TUBGCP5: variants seen among roughly 807,000 people sequenced by gnomAD.
The protein encoded by TUBGCP5 is gamma-tubulin complex component 5.
A neutral mutation model predicts 134.7 loss-of-function variants in TUBGCP5; 98 were observed. The ratio of observed to expected loss-of-function variants is 0.73; its 90% CI spans 0.62 to 0.86. The LOEUF (loss-of-function observed/expected upper bound fraction) is 0.86, where lower values mean the gene tolerates loss of function less well. TUBGCP5 is among the 40% of genes least tolerant of loss of function. The pLI is 0.00. For missense variants in TUBGCP5, 1,150 were observed against 1,244.8 expected, an observed-to-expected ratio of 0.92 and a Z score of 1.15; for synonymous variants, 456 against 431.4, an observed-to-expected ratio of 1.06 and a Z score of -0.71.
At position 23,017,849 on chromosome 15, in the gene TUBGCP5, T is replaced by G; in HGVS notation, c.1680A>C (p.Ile560=). 1 of 1,614,112 alleles carries G rather than the reference T, an allele frequency of 6.2e-7. No homozygotes were observed. Among genetic ancestry groups the G allele is most frequent in the Non-Finnish European group, 8.5e-7 (1 of 1,179,968 alleles). ...SFLKPVLKQI[I]MAGKSMQLLK... is the part of the protein sequence containing the mutation. ...GCAGCTGCATCGACTTGCCAGCCAT[T>G]ATGATCTGCTTCAGGACAGGTTTGA... Residue 560 remains isoleucine (I), a synonymous_variant, in exon 13 of 23, where the codon ATA becomes ATC. Transcript: ENST00000615383.
chr15:23,039,568 C>T lies in TUBGCP5; in HGVS notation c.-25G>A, dbSNP rs1448448425. On this transcript the variant is annotated 5_prime_UTR_variant, in exon 1 of 23. Transcript: ENST00000615383. ...TGTTCCGCGCTCCTGCAGCGCGCGT[C>T]TAACGAATTGGTGCCTGTCGCGCGA... is the stretch of plus-strand genomic sequence containing the variant. The T allele has an allele frequency of 2.2e-6, 3 of 1,373,808 alleles. No homozygotes were observed. The highest frequency in any genetic ancestry group is 2.9e-6 in the Non-Finnish European group (3 of 1,048,632). 85.1% of individuals were successfully genotyped at this position (1,373,808 alleles called of 1,614,324 possible).
In TUBGCP5 at chr15:22,987,502, C is replaced by T. The variant is rs2063714774; in HGVS notation, c.*62-3891G>A. On this transcript the variant is annotated intron_variant and NMD_transcript_variant, in intron 23 of 23. Coordinates refer to the TUBGCP5 transcript ENST00000614508. ...TGTGGCTGTTACTACTATGTTGAAA[C>T]CCCATCACCAAGATGATGGCATTAG... 1.3e-5 allele frequency among the ~76,000 whole-genome samples: 2 copies of T among 152,164 alleles called. 1 individual carries two copies. The highest frequency in any genetic ancestry group is 1.3e-4 in the Admixed American group (2 of 15,280).
intron 3 of TUBGCP5, among the ~76,000 whole-genome samples, chr15:23,035,528 T>C (rs1168956005): frequency 6.6e-6 from 1 of 151,950 alleles, no homozygotes; most frequent in Non-Finnish European, 1.5e-5. Flanking sequence ...CCTAGATCCC[T>C]CAAATGTGCA....
chr15:23,005,904 G>T, intron 18 of TUBGCP5, 148 bp downstream of exon 18: 1 of 834,618 alleles, frequency 1.2e-6, no homozygotes, highest in Non-Finnish European at 1.8e-6. Flanking sequence ...CACCATTTTG[G>T]CATTTGTGTA....
In TUBGCP5 at chr15:23,037,138, A is replaced by C; in HGVS notation, c.161T>G (p.Leu54Trp). Reference protein sequence around the residue: ...AWSNFRFHRFLDVNSHKIEKT... With the variant: ...AWSNFRFHRFWDVNSHKIEKT... ...TTCTATTTTGTGGCTGTTGACATCC[A>C]AGAAACGATGAAATCTATTAAAGAC... is the stretch of plus-strand genomic sequence containing the variant. Residue 54 changes from leucine (L) to tryptophan (W), a missense_variant, in exon 2 of 23, where the codon TTG (leucine) becomes TGG (tryptophan). Around this residue, in one of 2 missense-constraint regions of TUBGCP5, gnomAD observed 453 missense variants for 394.7 expected, o/e 1.15. Transcript: ENST00000615383. 1 of 1,613,586 alleles carries C rather than the reference A, an allele frequency of 6.2e-7. No individual in the cohort carries two copies.
At chr15:23,017,703 C>A (rs2065418582) in intron 13 of TUBGCP5, 70 bp downstream of exon 13, 1 of 1,447,628 alleles carries the variant, frequency 6.9e-7, no homozygotes, top group Middle Eastern at 1.8e-4. Context: ...AATTAGGTAT[C>A]AGGATGACAA....
At chr15:22,988,569 T>C (rs2063752332) in intron 23 of TUBGCP5, among the ~76,000 whole-genome samples, 2 of 150,962 alleles carry the variant, frequency 1.3e-5, no homozygotes, top group South Asian at 2.1e-4. Context: ...CCGTCTCTAC[T>C]AGAAAATACA....
intron 6 of TUBGCP5, among the ~76,000 whole-genome samples, chr15:23,028,854 G>A (rs1435591341): frequency 6.6e-6 from 1 of 152,040 alleles, no homozygotes; most frequent in Non-Finnish European, 1.5e-5. Context: ...AGAACTAGCA[G>A]GAAGAATAAA....
intron 6 of TUBGCP5, among the ~76,000 whole-genome samples, chr15:23,028,112 T>C (rs966195168): frequency 6.6e-6 from 1 of 151,828 alleles, no homozygotes; most frequent in African/African-American, 2.4e-5. Context: ...AGAATAAAGA[T>C]GAAAAATCCT....
At chr15:22,984,210 T>C (rs2063614211) in intron 23 of TUBGCP5, among the ~76,000 whole-genome samples, 2 of 152,228 alleles carry the variant, frequency 1.3e-5, no homozygotes, top group Admixed American at 1.3e-4. Context: ...AATGAAGAAT[T>C]ATCTATAGAA....
At chr15:22,990,735 A>G (rs2063821241) in intron 23 of TUBGCP5, among the ~76,000 whole-genome samples, 1 of 152,186 alleles carries the variant, frequency 6.6e-6, no homozygotes, top group Non-Finnish European at 1.5e-5. Context: ...GTGAAGAAAA[A>G]GAGTCTTAGC....
chr15:23,028,455 G>C (rs1218482012), intron 6 of TUBGCP5, among the ~76,000 whole-genome samples: 1 of 148,454 alleles, frequency 6.7e-6, no homozygotes, highest in African/African-American at 2.5e-5. Flanking sequence ...ACATGATCAA[G>C]CAAGTTTAGG....
intron 3 of TUBGCP5, among the ~76,000 whole-genome samples, chr15:23,034,774 C>T (rs1198149282): frequency 7.9e-5 from 12 of 151,816 alleles, no homozygotes; most frequent in Non-Finnish European, 1.8e-4. Context: ...CTGCAGTGAG[C>T]TGAGATTGCA....
intron 9 of TUBGCP5, 74 bp downstream of exon 9, chr15:23,024,662 TA>T: frequency 1.2e-6 from 1 of 826,302 alleles, no homozygotes; most frequent in Non-Finnish European, 1.9e-6. Context: ...TTTAATATTG[TA>T]AAATGTTCTA....
At chr15:23,037,072 G>C in intron 2 of TUBGCP5, 27 bp downstream of exon 2, 1 of 1,605,918 alleles carries the variant, frequency 6.2e-7, no homozygotes, top group Non-Finnish European at 8.5e-7. Context: ...TATATTTCTG[G>C]ATGCGTATAT....
At position 23,018,047 on chromosome 15, in the gene TUBGCP5, G is replaced by C. The variant is rs760505063; in HGVS notation, c.1488-6C>G. On this transcript the variant is annotated splice_polypyrimidine_tract_variant and splice_region_variant and intron_variant, in intron 12 of 22. Coordinates refer to ENST00000615383, the MANE Select transcript of TUBGCP5 (RefSeq NM_052903.6). Reference sequence around the variant, plus strand: ...TAACTGGAACATTTTTGTTTCTAAAGAGATTCAAAAGAATTTTAAACTCTT... The same window carrying C: ...TAACTGGAACATTTTTGTTTCTAAACAGATTCAAAAGAATTTTAAACTCTT... The C allele has an allele frequency of 1.4e-5, 23 of 1,599,082 alleles. No homozygotes were observed. Among genetic ancestry groups the C allele is most frequent in the Non-Finnish European group, 1.9e-5 (22 of 1,171,944 alleles).
At chr15:23,037,217 G>T (rs1595917797) in intron 1 of TUBGCP5, 65 bp from the exon 2 acceptor site, 2 of 1,464,994 alleles carry the variant, frequency 1.4e-6, no homozygotes, top group East Asian at 4.5e-5. Context: ...CTCATCTCAT[G>T]GCCCTCCATA....
chr15:22,999,390 G>C lies in TUBGCP5; in HGVS notation c.*430C>G, dbSNP rs886835367. On this transcript the variant is annotated 3_prime_UTR_variant, in exon 23 of 23. Transcript: ENST00000615383. The stretch of plus-strand genomic sequence containing the variant: ...CAGAAAACCCACCTACAATCCATCT[G>C]TCTGGACTGTGGGCAAGTGGTTCTT... The C allele has an allele frequency of 4.5e-6, 1 of 220,010 alleles. No homozygotes were observed. Among genetic ancestry groups the C allele is most frequent in the Non-Finnish European group, 9.3e-6 (1 of 107,858 alleles). 13.6% of individuals were successfully genotyped at this position (220,010 alleles called of 1,614,324 possible).
intron 9 of TUBGCP5, chr15:23,024,469 CA>C: frequency 2.3e-6 from 1 of 438,376 alleles, no homozygotes. Flanking sequence ...ATAACTTTCA[CA>C]ATACAGAATG....
Sources: gnomAD v4.1 joint callset for allele counts (sites outside exome capture counted in the v4.1 genomes callset) on GRCh38, gnomAD v4.1.1 for gene constraint, gnomAD v4.1.1 regional missense constraint, MANE v1.5 for transcripts, NCBI Gene and HGNC (gene_info 2026-07-23, HGNC 2026-07-21) for gene names.